The following ATP6V0D1 variants were observed in gnomAD, a reference collection of about 807,000 sequenced individuals.
ATP6V0D1 encodes the protein ATPase H+ transporting V0 subunit d1.
Under a neutral mutation model 39.0 loss-of-function variants are expected in ATP6V0D1, and 13 were observed. The observed-to-expected ratio is 0.33, with a 90% CI of 0.22 to 0.53. The LOEUF (loss-of-function observed/expected upper bound fraction) is 0.53, where lower values mean the gene tolerates loss of function less well. Ranked by LOEUF, ATP6V0D1 falls within the 20% of genes least tolerant of loss-of-function variation. ATP6V0D1 has a pLI of 0.94. For missense variants in ATP6V0D1, 272 were observed against 470.9 expected, an observed-to-expected ratio of 0.58 and a Z score of 3.91; for synonymous variants, 191 against 191.2, an observed-to-expected ratio of 1.00 and a Z score of 0.01.
At chr16:67,459,543 G>A (rs1239221701) in intron 1 of ATP6V0D1, among the ~76,000 whole-genome samples, 1 of 152,218 alleles carries the variant, frequency 6.6e-6, no homozygotes, top group Non-Finnish European at 1.5e-5. Context: ...GGAGGGCATG[G>A]GACACTCAGC....
At chr16:67,454,842 C>T (rs1335853605) in intron 1 of ATP6V0D1, 1 of 152,324 alleles carries the variant, frequency 6.6e-6, no homozygotes, top group African/African-American at 2.4e-5. Flanking sequence ...CTGCCATTCC[C>T]CCATGCTCAC....
intron 1 of ATP6V0D1, among the ~76,000 whole-genome samples, chr16:67,454,292 G>A (rs183021310): frequency 6.6e-6 from 1 of 152,354 alleles, no homozygotes; most frequent in Admixed American, 6.5e-5. Flanking sequence ...GGAGGATGGT[G>A]TGAGTGACAA....
At chr16:67,476,216 C>T (rs1003795044) in intron 1 of ATP6V0D1, among the ~76,000 whole-genome samples, 12 of 136,754 alleles carry the variant, frequency 8.8e-5, no homozygotes, top group Admixed American at 2.7e-4. Context: ...AACAAGATTC[C>T]ATTCCAAAAA....
chr16:67,459,380 G>A (rs566646692), intron 1 of ATP6V0D1, among the ~76,000 whole-genome samples: 1 of 152,328 alleles, frequency 6.6e-6, no homozygotes, highest in African/African-American at 2.4e-5. Context: ...TCCAGCAGGG[G>A]CAGCTGAGGT....
At chr16:67,450,253 T>C (rs910698086) in intron 2 of ATP6V0D1, among the ~76,000 whole-genome samples, 1 of 152,144 alleles carries the variant, frequency 6.6e-6, no homozygotes, top group Admixed American at 6.5e-5. Flanking sequence ...AGGTGCACCA[T>C]GCTCGCTACT....
At chr16:67,477,876 A>G (rs2041429472) in intron 1 of ATP6V0D1, among the ~76,000 whole-genome samples, 1 of 151,884 alleles carries the variant, frequency 6.6e-6, no homozygotes, top group African/African-American at 2.4e-5. Context: ...GGTTTCACCG[A>G]GCCAGGATGG....
At chr16:67,463,350 G>GA (rs2041304135) in intron 1 of ATP6V0D1, among the ~76,000 whole-genome samples, 1 of 152,084 alleles carries the variant, frequency 6.6e-6, no homozygotes, top group Non-Finnish European at 1.5e-5. Context: ...GAGCAACACA[G>GA]AGAGACTCTG....
intron 1 of ATP6V0D1, among the ~76,000 whole-genome samples, chr16:67,461,348 CA>C: frequency 6.6e-6 from 1 of 152,206 alleles, no homozygotes; most frequent in Admixed American, 6.5e-5. Context: ...CTTCTGTCCC[CA>C]AACCTACATC....
intron 1 of ATP6V0D1, among the ~76,000 whole-genome samples, chr16:67,461,201 G>C (rs2041287023): frequency 6.6e-6 from 1 of 152,154 alleles, no homozygotes; most frequent in South Asian, 2.1e-4. Context: ...TCCATGGTCT[G>C]TCCCAACCCT....
intron 1 of ATP6V0D1, among the ~76,000 whole-genome samples, chr16:67,478,828 G>A (rs568809367): frequency 6.2e-4 from 94 of 152,222 alleles, no homozygotes; most frequent in African/African-American, 1.9e-3. Context: ...GGGAAGATGG[G>A]AAGAACCCTG....
chr16:67,453,594 G>A lies in ATP6V0D1; in HGVS notation c.252C>T (p.His84=), dbSNP rs1002669057. 9 of 1,614,242 alleles carry A rather than the reference G, an allele frequency of 5.6e-6. No homozygotes were observed. Among genetic ancestry groups the A allele is most frequent in the Non-Finnish European group, 6.8e-6 (8 of 1,180,036 alleles). Residue 84 remains histidine (H), a synonymous_variant, in exon 2 of 8, where the codon CAC becomes CAT. Coordinates refer to ENST00000290949, the MANE Select transcript of ATP6V0D1 (RefSeq NM_004691.5). The surrounding 1 kb of genome is among the most constrained non-coding windows in gnomAD (Gnocchi z 4.1). ...GTGGCTCATAGGCATGGTTCCTCAT[G>A]TGGCGGAACTCCACCACCATCTTCT... The part of the protein sequence containing the change: ...LKEKMVVEFR[H]MRNHAYEPLA...
rs2041241406 is a variant in ATP6V0D1 at position 67,456,747 on chromosome 16, C to G, written c.131-3032G>C. The G allele has an allele frequency of 6.6e-6, 1 of 152,270 alleles. No individual in the cohort carries two copies. Among genetic ancestry groups the G allele is most frequent in the African/African-American group, 2.4e-5 (1 of 41,464 alleles). 9.4% of individuals were successfully genotyped at this position (152,270 alleles called of 1,614,324 possible). ...GTGAGCTCCAGAGAAAAACTCAGTC[C>G]TTTGGGTGGTGGCACTCCTGCCAGT... On this transcript the variant is annotated intron_variant, in intron 1 of 7. Transcript: ENST00000290949. The surrounding 1 kb of genome is among the most constrained non-coding windows in gnomAD (Gnocchi z 4.1).
intron 1 of ATP6V0D1, among the ~76,000 whole-genome samples, chr16:67,463,949 G>A (rs941341044): frequency 6.6e-6 from 1 of 152,248 alleles, no homozygotes; most frequent in Non-Finnish European, 1.5e-5. Context: ...CACTGGGGGA[G>A]GTGGGAGGCA....
chr16:67,444,386 T>G lies in ATP6V0D1; in HGVS notation c.481+142A>C. ...GTGAGGAGAGAATCGGAGGAGGAAG[T>G]TGAAGGGAGACAAAGGTAAGCAGCA... On this transcript the variant is annotated intron_variant, in intron 3 of 7. Coordinates refer to ENST00000290949, the MANE Select transcript of ATP6V0D1 (RefSeq NM_004691.5). This position sits in a 1 kb window ranked among gnomAD's most constrained non-coding sequence, Gnocchi z 4.8. 2.3e-6 allele frequency: 2 copies of G among 864,700 alleles called. No individual in the cohort carries two copies. Among genetic ancestry groups the G allele is most frequent in the East Asian group, 2.9e-5 (1 of 34,894 alleles). The allele number at this position is 864,700 out of a possible 1,614,324, so 53.6% of individuals were successfully genotyped here. A position where few individuals can be genotyped will look rare whatever the true frequency, so the allele number is the denominator to read the frequency against.
At chr16:67,459,265 G>A in intron 1 of ATP6V0D1, 2 of 985,526 alleles carry the variant, frequency 2.0e-6, no homozygotes, top group Non-Finnish European at 2.4e-6. Flanking sequence ...GCTGGGTTGG[G>A]AAGACACACC....
At chr16:67,442,982 T>C (rs1030818867) in intron 4 of ATP6V0D1, 117 bp downstream of exon 4, 24 of 1,093,448 alleles carry the variant, frequency 2.2e-5, no homozygotes, top group Admixed American at 5.6e-5. Context: ...GTCCCTGGGA[T>C]AGGAGCCTGA....
intron 4 of ATP6V0D1, among the ~76,000 whole-genome samples, chr16:67,442,381 T>C (rs1045753390): frequency 6.6e-6 from 1 of 151,922 alleles, no homozygotes; most frequent in Non-Finnish European, 1.5e-5. Context: ...GTCCTGGCGC[T>C]ATAGCTCAGT....
chr16:67,460,186 G>A (rs2041278071), intron 1 of ATP6V0D1, among the ~76,000 whole-genome samples: 1 of 152,210 alleles, frequency 6.6e-6, no homozygotes, highest in African/African-American at 2.4e-5. Flanking sequence ...GGGCCTGGCT[G>A]AGAAGTCGGC....
chr16:67,438,656 A>G lies in ATP6V0D1; in HGVS notation c.928T>C (p.Phe310Leu). ...AAGGCATAGAAGACACCAAAGTGGA[A>G]CTGGTTCAGGAAGGCCAACTTGTTC... ...KLNKLAFLNQ[F>L]HFGVFYAFVK... is the part of the protein sequence containing the mutation. Residue 310 changes from phenylalanine to leucine, a missense_variant, in exon 8 of 8, where the codon TTC becomes CTC. This residue lies in a region of ATP6V0D1 where 35 missense variants were observed against 84.6 expected (regional missense o/e 0.41). Coordinates refer to ENST00000290949, the MANE Select transcript of ATP6V0D1 (RefSeq NM_004691.5). 1 of 1,614,252 alleles carries G rather than the reference A, an allele frequency of 6.2e-7. No individual in the cohort carries two copies. Among genetic ancestry groups the G allele is most frequent in the Non-Finnish European group, 8.5e-7 (1 of 1,180,046 alleles).
Sources: gnomAD v4.1 joint callset for allele counts (sites outside exome capture counted in the v4.1 genomes callset) on GRCh38, gnomAD v4.1.1 for gene constraint, gnomAD v4.1.1 regional missense constraint, Gnocchi (gnomAD v3.1) non-coding constraint, MANE v1.5 for transcripts, NCBI Gene and HGNC (gene_info 2026-07-23, HGNC 2026-07-21) for gene names.